PHF12: variants seen among roughly 807,000 people sequenced by gnomAD.
The protein encoded by PHF12 is PHD factor 1.
In PHF12, 6 loss-of-function variants were observed where a neutral mutation model predicts 99.8. That is an observed-to-expected ratio of 0.06 (90% CI 0.03 to 0.12). The LOEUF (loss-of-function observed/expected upper bound fraction) is 0.12. Among genes scored for constraint, PHF12 ranks in the 10% least tolerant of loss-of-function variants. The pLI is 1.00. For synonymous variants in PHF12, 480 were observed against 514.9 expected (o/e 0.93, Z 0.92); for missense variants, 954 against 1,300.1 (o/e 0.73, Z 4.09).
rs1344777084 is a variant in PHF12, at chr17:28,951,281, G to A, written c.-321C>T. On this transcript the variant is annotated 5_prime_UTR_variant, in exon 1 of 15. Transcript: ENST00000332830. ...AGCCGGCACTGGCGACAGCCGGTCC[G>A]GCCGGGAAGGCTGGCGGGCGCTGCC... is the stretch of plus-strand genomic sequence containing the variant. 4 of 1,145,496 alleles carry A rather than the reference G, an allele frequency of 3.5e-6. No homozygotes were observed. The highest frequency in any genetic ancestry group is 1.1e-4 in the East Asian group (2 of 18,658). The allele number at this position is 1,145,496 out of a possible 1,614,324, so 71.0% of individuals were successfully genotyped here.
chr17:28,914,140 G>A, intron 7 of PHF12, 103 bp from the exon 8 acceptor site: 1 of 1,293,838 alleles, frequency 7.7e-7, no homozygotes, highest in Non-Finnish European at 1.1e-6. Context: ...TGGTGCTCAA[G>A]GGACCATCCA....
Position 28,950,519 on chromosome 17 carries a change from C to A in PHF12, c.67-273G>T. On this transcript the variant is annotated intron_variant, in intron 1 of 14. Transcript: ENST00000332830. The surrounding 1 kb of genome is among the most constrained non-coding windows in gnomAD (Gnocchi z 5.7). Reference sequence around the variant, plus strand: ...AGGGTGCGCGGTTCCCTTCTTGCCACTTCCTTGTATGGACAGTGGGGGACT... The same window carrying A: ...AGGGTGCGCGGTTCCCTTCTTGCCAATTCCTTGTATGGACAGTGGGGGACT... 1 of 553,080 alleles carries A rather than the reference C, an allele frequency of 1.8e-6. No individual in the cohort carries two copies. The highest frequency in any genetic ancestry group is 3.2e-6 in the Non-Finnish European group (1 of 311,362). 34.3% of individuals were successfully genotyped at this position (553,080 alleles called of 1,614,324 possible). A position where few individuals can be genotyped will look rare whatever the true frequency, so the allele number is the denominator to read the frequency against.
At chr17:28,924,379 A>C in intron 3 of PHF12, 77 bp from the exon 4 acceptor site, 2 of 1,600,424 alleles carry the variant, frequency 1.2e-6, no homozygotes, top group Non-Finnish European at 1.7e-6. Flanking sequence ...GTCCTGGTAG[A>C]CCACTAATCA....
chr17:28,929,180 C>T (rs184654923), intron 2 of PHF12, among the ~76,000 whole-genome samples: 24 of 150,950 alleles, frequency 1.6e-4, no homozygotes, highest in Admixed American at 1.4e-3. Context: ...AAGTCACCTA[C>T]TTGGAATGGT....
rs1029098696 is a variant in PHF12 at position 28,917,329 on chromosome 17, G to C, written c.1090C>G (p.Pro364Ala). Residue 364 changes from proline to alanine, a missense_variant, in exon 7 of 15, where the codon CCT becomes GCT. By Grantham distance (27) the Pro-to-Ala change is conservative (BLOSUM62 -1). Coordinates refer to ENST00000332830, the MANE Select transcript of PHF12 (RefSeq NM_001033561.2). The stretch of plus-strand genomic sequence containing the variant: ...ACCGACTGGAGCACACGCCGGTTAG[G>C]GGGGTGCTTCTTGTGGATTCGGTTC... ...FLNRIHKKHP[P>A]NRRVLQSVKR... 29 of 1,614,090 alleles carry C rather than the reference G, an allele frequency of 1.8e-5. No individual in the cohort carries two copies. The highest frequency in any genetic ancestry group is 3.3e-5 in the South Asian group (3 of 91,062).
chr17:28,913,124 C>T lies in PHF12; in HGVS notation c.1447G>A (p.Ala483Thr). The T allele has an allele frequency of 6.2e-7, 1 of 1,614,182 alleles. No individual in the cohort carries two copies. The highest frequency in any genetic ancestry group is 8.5e-7 in the Non-Finnish European group (1 of 1,180,024). ...TGGGAAGGTGTAGGTGTCTTGTCAG[C>T]TGTTTGCAGGGAGGTGGTGACTGAG... ...DSSVTTSLQT[A>T]DKTPTPSHYP... Residue 483 changes from alanine (A) to threonine (T), a missense_variant, in exon 9 of 15, where the codon GCT becomes ACT. Transcript: ENST00000332830.
chr17:28,931,737 A>G (rs1324940667), intron 2 of PHF12, among the ~76,000 whole-genome samples: 2 of 148,896 alleles, frequency 1.3e-5, no homozygotes, highest in East Asian at 3.9e-4. Context: ...GCCTGCCCCC[A>G]TGTCCAGCTA....
At position 28,913,078 on chromosome 17, in the gene PHF12, G is replaced by A. The variant is rs2152658431; in HGVS notation, c.1493C>T (p.Ser498Leu). The A allele has an allele frequency of 6.2e-7, 1 of 1,614,202 alleles. No homozygotes were observed. Among genetic ancestry groups the A allele is most frequent in the Non-Finnish European group, 8.5e-7 (1 of 1,180,022 alleles). ...CAGGGAATTCTGGGTGCTAATCCCT[G>A]AGGGGCAGGACAAGGGGTAGTGGGA... ...TPSHYPLSCPSGISTQNSLSC... is the reference protein window; with the variant it reads ...TPSHYPLSCPLGISTQNSLSC... Residue 498 changes from serine to leucine, a missense_variant, in exon 9 of 15, where the codon TCA (serine) becomes TTA (leucine). Coordinates refer to ENST00000332830, the MANE Select transcript of PHF12 (RefSeq NM_001033561.2).
In PHF12 at chr17:28,913,915, G is replaced by A. The variant is rs1229275090; in HGVS notation, c.1257C>T (p.Asn419=). The A allele has an allele frequency of 1.2e-6, 2 of 1,612,812 alleles. No homozygotes were observed. Among genetic ancestry groups the A allele is most frequent in the Non-Finnish European group, 1.7e-6 (2 of 1,179,216 alleles). Reference sequence around the variant, plus strand: ...CTGCTTGGGTGGCTAAGTGCTCAGAGTTCAAAAGGTGCATCTGTGATTCCT... The same window carrying A: ...CTGCTTGGGTGGCTAAGTGCTCAGAATTCAAAAGGTGCATCTGTGATTCCT... ...IPEESQMHLL[N]SEHLATQAEQ... The change falls in exon 8 of 15, where the codon AAC becomes AAT. Residue 419 remains asparagine, a synonymous_variant. Transcript: ENST00000332830.
At chr17:28,917,691 G>A (rs1299750233) in intron 6 of PHF12, among the ~76,000 whole-genome samples, 1 of 152,204 alleles carries the variant, frequency 6.6e-6, no homozygotes, top group Admixed American at 6.5e-5. Flanking sequence ...GAGCCTTAAG[G>A]AAGGCAGGAG....
rs529188599 is a variant in PHF12, at chr17:28,905,480, C to G, written c.*703G>C. On this transcript the variant is annotated 3_prime_UTR_variant, in exon 15 of 15. Coordinates refer to ENST00000332830, the MANE Select transcript of PHF12 (RefSeq NM_001033561.2). ...GACAATTTGAGAAAACGCTCTACCA[C>G]ATGTAGTACTGTACACGGTTTTTAA... 6.6e-6 allele frequency: 1 copy of G among 152,554 alleles called. No individual in the cohort carries two copies. The highest frequency in any genetic ancestry group is 1.9e-4 in the East Asian group (1 of 5,192). The allele number at this position is 152,554 out of a possible 1,614,324, so 9.5% of individuals were successfully genotyped here.
At position 28,950,350 on chromosome 17, in the gene PHF12, G is replaced by A. The variant is rs965897504; in HGVS notation, c.67-104C>T. ...GTCACCCACCCCTCTCCCCCCTTTTGTCCTTCTTCCTCCCATCCAGGCTGC... is the reference window on the plus strand; with the variant it reads ...GTCACCCACCCCTCTCCCCCCTTTTATCCTTCTTCCTCCCATCCAGGCTGC... On this transcript the variant is annotated intron_variant, in intron 1 of 14. Coordinates refer to ENST00000332830, the MANE Select transcript of PHF12 (RefSeq NM_001033561.2). This position sits in a 1 kb window ranked among gnomAD's most constrained non-coding sequence, Gnocchi z 5.7. The A allele has an allele frequency of 1.6e-6, 2 of 1,283,540 alleles. No homozygotes were observed. The highest frequency in any genetic ancestry group is 2.1e-6 in the Non-Finnish European group (2 of 948,608). The allele number at this position is 1,283,540 out of a possible 1,614,324, so 79.5% of individuals were successfully genotyped here. A position where few individuals can be genotyped will look rare whatever the true frequency, so the allele number is the denominator to read the frequency against.
chr17:28,910,076 A>G, intron 11 of PHF12, 150 bp downstream of exon 11: 1 of 1,218,606 alleles, frequency 8.2e-7, no homozygotes, highest in Non-Finnish European at 1.2e-6. Flanking sequence ...CTCTCTTCAG[A>G]AAAAAACCAT....
chr17:28,927,747 T>C (rs1263023123), intron 2 of PHF12: 1 of 152,354 alleles, frequency 6.6e-6, no homozygotes, highest in Non-Finnish European at 1.5e-5. Context: ...GAAATATGCT[T>C]GGAAAGTTCC....
At chr17:28,933,477 C>A (rs2040452176) in intron 2 of PHF12, among the ~76,000 whole-genome samples, 2 of 152,204 alleles carry the variant, frequency 1.3e-5, no homozygotes, top group Admixed American at 1.3e-4. Context: ...TCTTTGAAAT[C>A]TTGAGCCTAA....
intron 7 of PHF12, among the ~76,000 whole-genome samples, chr17:28,914,670 T>TAAAA (rs1197067001): frequency 5.6e-5 from 1 of 17,814 alleles, no homozygotes; most frequent in African/African-American, 2.9e-4. Context: ...AGACTCCGTC[T>TAAAA]CAAAAAAAAA....
intron 3 of PHF12, chr17:28,925,948 C>G (rs368474824): frequency 6.6e-6 from 1 of 152,236 alleles, no homozygotes; most frequent in African/African-American, 2.4e-5. Context: ...GGGCTCCTGG[C>G]TGGCAGGTGC....
At chr17:28,941,464 A>T (rs572985692) in intron 2 of PHF12, among the ~76,000 whole-genome samples, 1 of 152,274 alleles carries the variant, frequency 6.6e-6, no homozygotes, top group Admixed American at 6.5e-5. Flanking sequence ...ATTTACTGTT[A>T]TCTGGGCTTA....
chr17:28,920,150 G>A (rs1168917072), intron 5 of PHF12, among the ~76,000 whole-genome samples: 1 of 152,194 alleles, frequency 6.6e-6, no homozygotes, highest in African/African-American at 2.4e-5. Context: ...TGACAACTAC[G>A]ATTTGTAACT....
Sources: allele counts gnomAD v4.1 joint callset (sites outside exome capture counted in the v4.1 genomes callset), GRCh38; gene constraint gnomAD v4.1.1; non-coding constraint Gnocchi (gnomAD v3.1); transcripts MANE v1.5; gene names NCBI Gene and HGNC (gene_info 2026-07-23, HGNC 2026-07-21).